The following B3GALNT2 variants were observed in gnomAD, a reference collection of about 807,000 sequenced individuals.
B3GALNT2 encodes the protein UDP-GalNAc:beta-1,3-N-acetylgalactosaminyltransferase 2.
A neutral mutation model predicts 61.1 loss-of-function variants in B3GALNT2; 53 were observed. That is an observed-to-expected ratio of 0.87 (90% CI 0.70 to 1.09). The LOEUF (loss-of-function observed/expected upper bound fraction) is 1.09. B3GALNT2 is among the 50% of genes least tolerant of loss of function. B3GALNT2 has a pLI of 0.00. For synonymous variants in B3GALNT2, 223 were observed against 237.4 expected, an observed-to-expected ratio of 0.94 and a Z score of 0.56; for missense variants, 544 against 623.0, an observed-to-expected ratio of 0.87 and a Z score of 1.35.
At chr1:235,441,958 A>G in the B3GALNT2 span, 1 of 1,332,640 alleles carries the variant, frequency 7.5e-7, no homozygotes, top group Non-Finnish European at 1.1e-6. Context: ...GTTTCTCTTA[A>G]GTGTGTACCT....
At position 235,447,353 on chromosome 1, in the gene B3GALNT2, A is replaced by G. The variant is rs957090322; in HGVS notation, c.*2853T>C. ...AACACCACACTATTGCTGTATCTCC[A>G]GCTAAAGCTTCAAGGAAACTCTATT... is the stretch of plus-strand genomic sequence containing the variant. On this transcript the variant is annotated 3_prime_UTR_variant, in exon 12 of 12. Transcript: ENST00000366600. Among the ~76,000 whole-genome samples, 13 of 152,222 alleles carry G rather than the reference A, an allele frequency of 8.5e-5. No individual in the cohort carries two copies. Among genetic ancestry groups the G allele is most frequent in the African/African-American group, 2.9e-4 (12 of 41,468 alleles).
At chr1:235,471,859 C>T (rs1407298019) in intron 5 of B3GALNT2, among the ~76,000 whole-genome samples, 2 of 152,082 alleles carry the variant, frequency 1.3e-5, no homozygotes, top group African/African-American at 4.8e-5. Context: ...GACAGGGTTT[C>T]GCCATGTTGG....
At chr1:235,491,817 C>A (rs1023616627) in intron 2 of B3GALNT2, among the ~76,000 whole-genome samples, 1 of 152,124 alleles carries the variant, frequency 6.6e-6, no homozygotes, top group Admixed American at 6.6e-5. Flanking sequence ...TGCTTCCCCC[C>A]TCTTTTCTTT....
the B3GALNT2 span, chr1:235,442,011 T>A: frequency 4.2e-5 from 29 of 691,042 alleles, no homozygotes; most frequent in Non-Finnish European, 4.6e-5. Flanking sequence ...AATGAAAATT[T>A]TTTTTTTTTT....
intron 3 of B3GALNT2, among the ~76,000 whole-genome samples, chr1:235,487,814 C>T (rs551466009): frequency 2.0e-5 from 3 of 152,238 alleles, no homozygotes; most frequent in South Asian, 2.1e-4. Flanking sequence ...GACAGGGTCT[C>T]GCTCTGTCAC....
chr1:235,477,750 G>A lies in B3GALNT2; in HGVS notation c.651+2304C>T, dbSNP rs115924769. ...TGTCTCTATACACTGCTCTGTGCGC[G>A]GAGGGCAAATTGCCCCTGGTGAAGA... is the stretch of plus-strand genomic sequence containing the variant. On this transcript the variant is annotated intron_variant, in intron 5 of 11. Transcript: ENST00000366600. Among the ~76,000 whole-genome samples, 490 of 152,256 alleles carry A rather than the reference G, an allele frequency of 3.2e-3. 3 individuals are homozygous for A. Among genetic ancestry groups the A allele is most frequent in the Non-Finnish European group, 5.5e-3 (371 of 68,024 alleles).
chr1:235,474,910 G>A (rs1684165267), intron 5 of B3GALNT2, among the ~76,000 whole-genome samples: 1 of 134,138 alleles, frequency 7.5e-6, no homozygotes, highest in Admixed American at 8.0e-5. Flanking sequence ...ATTAGTTACA[G>A]GTTCCAACTG....
intron 1 of B3GALNT2, among the ~76,000 whole-genome samples, chr1:235,502,157 C>A (rs1276381065): frequency 6.6e-6 from 1 of 152,176 alleles, no homozygotes; most frequent in Non-Finnish European, 1.5e-5. Context: ...GGATTACAGG[C>A]ATGCACCACT....
chr1:235,496,614 C>T (rs979605626), intron 1 of B3GALNT2, among the ~76,000 whole-genome samples: 19 of 149,914 alleles, frequency 1.3e-4, no homozygotes, highest in African/African-American at 3.7e-4. Flanking sequence ...GCGGCGATCT[C>T]GGCTCACTGC....
chr1:235,491,284 G>C (rs1052268866), intron 2 of B3GALNT2, among the ~76,000 whole-genome samples: 3 of 152,098 alleles, frequency 2.0e-5, no homozygotes, highest in Non-Finnish European at 4.4e-5. Context: ...CCATAAGTTG[G>C]TCATAGATAG....
intron 1 of B3GALNT2, among the ~76,000 whole-genome samples, chr1:235,501,601 T>C (rs915661067): frequency 1.3e-5 from 2 of 152,152 alleles, no homozygotes; most frequent in South Asian, 2.1e-4. Flanking sequence ...ACACCTACGA[T>C]AGGAGCTGGC....
downstream of B3GALNT2, among the ~76,000 whole-genome samples, chr1:235,442,422 G>A (rs536034401): frequency 6.6e-4 from 101 of 152,234 alleles, no homozygotes; most frequent in African/African-American, 2.3e-3. Flanking sequence ...CACCCGCCTC[G>A]GCCTCCCAAA....
At chr1:235,464,349 T>C (rs1433312901) in intron 7 of B3GALNT2, 1 of 152,008 alleles carries the variant, frequency 6.6e-6, no homozygotes, top group Non-Finnish European at 1.5e-5. Flanking sequence ...ATTTTATAAA[T>C]GGGCAAAGGA....
In B3GALNT2 at chr1:235,448,284, A is replaced by C; in HGVS notation, c.*1922T>G. 5.9e-6 allele frequency: 8 copies of C among 1,344,822 alleles called. No homozygotes were observed. The highest frequency in any genetic ancestry group is 8.5e-6 in the Non-Finnish European group (8 of 935,880). 83.3% of individuals were successfully genotyped at this position (1,344,822 alleles called of 1,614,324 possible). On this transcript the variant is annotated 3_prime_UTR_variant, in exon 12 of 12. Coordinates refer to ENST00000366600, the MANE Select transcript of B3GALNT2 (RefSeq NM_152490.5). ...TGCAATGATACTGTGGTCTCATCAC[A>C]TGAGCTAGTTTTACAGGTAACTGTC...
Position 235,448,861 on chromosome 1 carries a change from G to A in B3GALNT2, c.*1345C>T. The A allele has an allele frequency of 1.1e-6, 1 of 933,632 alleles. No individual in the cohort carries two copies. Among genetic ancestry groups the A allele is most frequent in the African/African-American group, 1.6e-5 (1 of 61,516 alleles). The allele number at this position is 933,632 out of a possible 1,614,324, so 57.8% of individuals were successfully genotyped here. On this transcript the variant is annotated 3_prime_UTR_variant, in exon 12 of 12. Coordinates refer to ENST00000366600, the MANE Select transcript of B3GALNT2 (RefSeq NM_152490.5). The stretch of plus-strand genomic sequence containing the variant: ...GAACAATTCTACTGTCAAAACAAAG[G>A]GGGTTTACAACTTGTCCTAAGTATA...
the B3GALNT2 span, chr1:235,441,148 T>C: frequency 6.5e-6 from 1 of 152,796 alleles, no homozygotes. Flanking sequence ...GGGCAGGTAT[T>C]GTTGAGTATT....
At chr1:235,459,983 G>A (rs951542377) in intron 7 of B3GALNT2, among the ~76,000 whole-genome samples, 17 of 152,056 alleles carry the variant, frequency 1.1e-4, no homozygotes, top group Admixed American at 3.3e-4. Flanking sequence ...TAGTAGAGAC[G>A]GAGTTTCACC....
chr1:235,488,816 T>TG (rs1441169864), intron 3 of B3GALNT2, among the ~76,000 whole-genome samples: 2 of 151,418 alleles, frequency 1.3e-5, no homozygotes, highest in African/African-American at 4.9e-5. Flanking sequence ...TGCTTTGGGA[T>TG]GCTGAGGCTG....
In B3GALNT2 at chr1:235,448,888, C is replaced by G. The variant is rs1367213640; in HGVS notation, c.*1318G>C. The stretch of plus-strand genomic sequence containing the variant: ...GGTTTACAACTTGTCCTAAGTATAA[C>G]AAGGGATGTATTTTTTGTTGGGAAG... On this transcript the variant is annotated 3_prime_UTR_variant, in exon 12 of 12. Coordinates refer to ENST00000366600, the MANE Select transcript of B3GALNT2 (RefSeq NM_152490.5). 2.7e-6 allele frequency: 2 copies of G among 751,428 alleles called. No individual in the cohort carries two copies. The highest frequency in any genetic ancestry group is 4.6e-6 in the Non-Finnish European group (2 of 433,186). 46.5% of individuals were successfully genotyped at this position (751,428 alleles called of 1,614,324 possible).
Sources: allele counts gnomAD v4.1 joint callset (sites outside exome capture counted in the v4.1 genomes callset), GRCh38; gene constraint gnomAD v4.1.1; transcripts MANE v1.5; gene names NCBI Gene and HGNC (gene_info 2026-07-23, HGNC 2026-07-21).